EPB41L1: variants seen among roughly 807,000 people sequenced by gnomAD.
EPB41L1 encodes the protein erythrocyte membrane protein band 4.1 like 1.
EPB41L1 carries 29 observed loss-of-function variants against 97.8 expected under a neutral mutation model. The observed-to-expected ratio is 0.30, with a 90% CI of 0.22 to 0.40. The LOEUF is 0.40. Among genes scored for constraint, EPB41L1 ranks in the 10% least tolerant of loss-of-function variants. The pLI, the probability that EPB41L1 is intolerant of heterozygous loss-of-function variation, is 1.00. For missense variants in EPB41L1, 812 were observed against 1,162.3 expected (o/e 0.70, Z 4.38); for synonymous variants, 383 against 459.2 (o/e 0.83, Z 2.12).
intron 13 of EPB41L1, among the ~76,000 whole-genome samples, chr20:36,196,661 T>C (rs1353768654): frequency 6.6e-6 from 1 of 152,238 alleles, no homozygotes; most frequent in Admixed American, 6.5e-5. Context: ...AGATTCTAGC[T>C]TTGTCCAAGG....
chr20:36,124,726 C>T (rs2058892636), intron 2 of EPB41L1, among the ~76,000 whole-genome samples: 1 of 152,088 alleles, frequency 6.6e-6, no homozygotes, highest in African/African-American at 2.4e-5. Context: ...ACTCTTGATT[C>T]CATGTGGCAT....
At chr20:36,102,111 G>A (rs1167861592) in intron 1 of EPB41L1, among the ~76,000 whole-genome samples, 1 of 139,802 alleles carries the variant, frequency 7.2e-6, no homozygotes, top group Non-Finnish European at 1.6e-5. Context: ...CTCCATGGGC[G>A]GGGTGGGGGG....
intron 1 of EPB41L1, among the ~76,000 whole-genome samples, chr20:36,166,895 A>G (rs1187398885): frequency 2.0e-5 from 3 of 152,082 alleles, no homozygotes; most frequent in African/African-American, 7.2e-5. Flanking sequence ...CAACCACCCA[A>G]CCCAGCATGC....
intron 1 of EPB41L1, among the ~76,000 whole-genome samples, chr20:36,169,150 C>G (rs1208965966): frequency 2.6e-5 from 4 of 151,442 alleles, no homozygotes; most frequent in African/African-American, 9.7e-5. Context: ...TTGCTTGAAC[C>G]CAGGAGGCAG....
intron 16 of EPB41L1, among the ~76,000 whole-genome samples, chr20:36,213,708 AAGTTTAT>A (rs762313336): frequency 2.4e-4 from 37 of 152,192 alleles, no homozygotes; most frequent in Non-Finnish European, 4.4e-4. Flanking sequence ...ACAACAAAAA[AAGTTTAT>A]AGTTATACAA....
Position 36,222,523 on chromosome 20 carries a change from C to T in EPB41L1, c.2637+129C>T, listed in dbSNP as rs899255507. ...GCAGCTTTGACCCTCCCCCCATCAG[C>T]CTTCCTGATTTGCTGCTCAAAGGAG... On this transcript the variant is annotated intron_variant, in intron 21 of 21. Coordinates refer to ENST00000338074, the MANE Select transcript of EPB41L1 (RefSeq NM_012156.2). 2.1e-5 allele frequency: 15 copies of T among 724,790 alleles called. No individual in the cohort carries two copies. In the African/African-American group the frequency reaches 2.3e-4, roughly 11 times the overall value. The allele number at this position is 724,790 out of a possible 1,614,324, so 44.9% of individuals were successfully genotyped here. A position where few individuals can be genotyped will look rare whatever the true frequency, so the allele number is the denominator to read the frequency against.
chr20:36,221,234 A>G (rs757022384), intron 19 of EPB41L1, among the ~76,000 whole-genome samples: 5 of 152,198 alleles, frequency 3.3e-5, no homozygotes, highest in Non-Finnish European at 7.3e-5. Flanking sequence ...ATTACTTCTA[A>G]ACTTGTCCAA....
At chr20:36,171,998 G>T (rs773471580) in intron 1 of EPB41L1, among the ~76,000 whole-genome samples, 3 of 152,184 alleles carry the variant, frequency 2.0e-5, no homozygotes, top group East Asian at 1.9e-4. Flanking sequence ...AGGAATGGGT[G>T]CATCTGATGC....
At chr20:36,176,614 ATTTTTTCTT>A (rs1366151491) in intron 3 of EPB41L1, among the ~76,000 whole-genome samples, 10 of 131,064 alleles carry the variant, frequency 7.6e-5, no homozygotes, top group East Asian at 2.2e-4. Flanking sequence ...ATGTACATGT[ATTTTTTCTT>A]TTTTTTCTTT....
At chr20:36,221,744 G>A (rs2063793372) in intron 19 of EPB41L1, 120 bp from the exon 20 acceptor site, 3 of 853,064 alleles carry the variant, frequency 3.5e-6, no homozygotes, top group East Asian at 4.9e-5. Flanking sequence ...AGGAAGTCAG[G>A]AGAGAAGGTA....
In EPB41L1 at chr20:36,168,751, A is replaced by G. The variant is rs370512854; in HGVS notation, c.-14-5013A>G. Among the ~76,000 whole-genome samples, 451 of 151,620 alleles carry G rather than the reference A, an allele frequency of 3.0e-3. 1 individual carries two copies. The highest frequency in any genetic ancestry group is 4.0e-3 in the Non-Finnish European group (272 of 67,848). On this transcript the variant is annotated intron_variant, in intron 1 of 21. Coordinates refer to ENST00000338074, the MANE Select transcript of EPB41L1 (RefSeq NM_012156.2). ...GTGTTTTTAGTAGAGACAGGGTTTC[A>G]CCATGTTGGCCAGGATGGTCTCCAC...
rs373754870 is a variant in EPB41L1 at position 36,129,640 on chromosome 20, C to T, written c.-10+17160C>T. ...TTTCTGGCTTTCTCACTCTGGCCTG[C>T]CCTCATTTGCCTGTTGCTGCTCCTC... is the stretch of plus-strand genomic sequence containing the variant. On this transcript the variant is annotated intron_variant, in intron 2 of 19. Coordinates refer to the EPB41L1 transcript ENST00000202028. Among the ~76,000 whole-genome samples, 6 of 152,098 alleles carry T rather than the reference C, an allele frequency of 3.9e-5. No individual in the cohort carries two copies. The East Asian group carries it at 1.2e-3, about 29-fold the overall frequency.
intron 1 of EPB41L1, among the ~76,000 whole-genome samples, chr20:36,166,597 G>A (rs924576145): frequency 1.9e-4 from 29 of 152,062 alleles, no homozygotes; most frequent in Admixed American, 1.4e-3. Flanking sequence ...TGTGAAAACC[G>A]ACCACCCAGC....
upstream of EPB41L1, chr20:36,154,731 CGCT>C (rs2060214889): frequency 2.0e-6 from 2 of 985,466 alleles, no homozygotes; most frequent in Non-Finnish European, 2.4e-6. This position sits in a 1 kb window ranked among gnomAD's most constrained non-coding sequence, Gnocchi z 5.5. Flanking sequence ...CCGCCGCCGC[CGCT>C]GCTGCAGTCG....
chr20:36,172,191 G>T (rs1463708027), intron 1 of EPB41L1, among the ~76,000 whole-genome samples: 1 of 152,166 alleles, frequency 6.6e-6, no homozygotes, highest in Non-Finnish European at 1.5e-5. Flanking sequence ...CGATTCTCCT[G>T]CTTCAGCCTC....
intron 2 of EPB41L1, among the ~76,000 whole-genome samples, chr20:36,123,177 G>C (rs908867730): frequency 6.6e-6 from 1 of 151,992 alleles, no homozygotes; most frequent in Non-Finnish European, 1.5e-5. Context: ...CATGATCGGG[G>C]GGGAGGGGCA....
At chr20:36,111,316 AC>A (rs1224404265) in intron 1 of EPB41L1, among the ~76,000 whole-genome samples, 1 of 152,068 alleles carries the variant, frequency 6.6e-6, no homozygotes, top group African/African-American at 2.4e-5. Context: ...ACCTCATCCC[AC>A]CTGGAGACTG....
intron 2 of EPB41L1, among the ~76,000 whole-genome samples, chr20:36,123,572 C>A (rs959679105): frequency 6.6e-6 from 1 of 152,194 alleles, no homozygotes; most frequent in African/African-American, 2.4e-5. Context: ...TCCCAAGTAG[C>A]TGGTATTACA....
intron 13 of EPB41L1, among the ~76,000 whole-genome samples, chr20:36,197,122 G>A (rs967731105): frequency 7.9e-5 from 12 of 152,236 alleles, no homozygotes; most frequent in Non-Finnish European, 1.5e-4. Context: ...GTACCTGAAA[G>A]GTATCTGGAA....
Sources: allele counts gnomAD v4.1 joint callset (sites outside exome capture counted in the v4.1 genomes callset), GRCh38; gene constraint gnomAD v4.1.1; non-coding constraint Gnocchi (gnomAD v3.1); transcripts MANE v1.5; gene names NCBI Gene and HGNC (gene_info 2026-07-23, HGNC 2026-07-21).